The following TCERG1L variants were observed in gnomAD, a reference collection of about 807,000 sequenced individuals.
The protein encoded by TCERG1L is transcription elongation regulator 1 like.
Under a neutral mutation model 56.3 loss-of-function variants are expected in TCERG1L, and 37 were observed. The observed-to-expected ratio is 0.66, with a 90% CI of 0.51 to 0.87. TCERG1L has a LOEUF of 0.87. Among genes scored for constraint, TCERG1L ranks in the 40% least tolerant of loss-of-function variants. TCERG1L has a pLI of 0.00. For missense variants in TCERG1L, 799 were observed against 774.2 expected, an observed-to-expected ratio of 1.03 and a Z score of -0.38; for synonymous variants, 324 against 326.3, an observed-to-expected ratio of 0.99 and a Z score of 0.08.
At chr10:131,160,798 T>C (rs1845969060) in intron 6 of TCERG1L, 1 of 152,194 alleles carries the variant, frequency 6.6e-6, no homozygotes, top group South Asian at 2.1e-4. Context: ...CCGTTTTCAT[T>C]TGCTGGATCG....
intron 3 of TCERG1L, among the ~76,000 whole-genome samples, chr10:131,283,864 G>A (rs1846491071): frequency 6.6e-6 from 1 of 152,112 alleles, no homozygotes; most frequent in African/African-American, 2.4e-5. Flanking sequence ...GCTGGGCACA[G>A]TGGCTCCCAT....
intron 4 of TCERG1L, among the ~76,000 whole-genome samples, chr10:131,222,928 C>T (rs916021870): frequency 5.9e-5 from 9 of 152,102 alleles, no homozygotes; most frequent in African/African-American, 1.9e-4. Flanking sequence ...TGGCTGTGGC[C>T]GGTTTAACCC....
chr10:131,174,308 C>T (rs1431933946), intron 4 of TCERG1L, among the ~76,000 whole-genome samples: 2 of 152,252 alleles, frequency 1.3e-5, no homozygotes, highest in African/African-American at 4.8e-5. Context: ...AGCATCACGC[C>T]CGGCCGCACA....
At chr10:131,150,377 C>T (rs1430662462) in intron 6 of TCERG1L, among the ~76,000 whole-genome samples, 1 of 152,218 alleles carries the variant, frequency 6.6e-6, no homozygotes, top group Non-Finnish European at 1.5e-5. Context: ...GCTAGGTGCA[C>T]ACAGTGTCAG....
chr10:131,195,879 A>G (rs1845357120), intron 4 of TCERG1L, among the ~76,000 whole-genome samples: 1 of 152,210 alleles, frequency 6.6e-6, no homozygotes. Flanking sequence ...ACACAAGGCG[A>G]GGCAAGCACA....
intron 8 of TCERG1L, among the ~76,000 whole-genome samples, chr10:131,122,926 C>G (rs1845528067): frequency 6.6e-6 from 1 of 152,184 alleles, no homozygotes; most frequent in South Asian, 2.1e-4. Context: ...GAATTGCTGT[C>G]AGAACTTGGG....
chr10:131,295,319 T>A (rs759696655), intron 3 of TCERG1L, among the ~76,000 whole-genome samples: 4 of 151,986 alleles, frequency 2.6e-5, no homozygotes, highest in Admixed American at 6.6e-5. Context: ...TACGTAAGAG[T>A]GAGATTACTG....
chr10:131,148,427 GACAC>G (rs760908026), intron 6 of TCERG1L, among the ~76,000 whole-genome samples: 3 of 150,390 alleles, frequency 2.0e-5, no homozygotes, highest in East Asian at 2.0e-4. Context: ...TGCACACAGA[GACAC>G]ACACATGCAG....
rs1450624581 is a variant in TCERG1L, at chr10:131,098,296, C to G, written c.1604+10G>C. On this transcript the variant is annotated intron_variant, in intron 11 of 11. Transcript: ENST00000368642. ...CCCAGAAATCATCCGGTATATTTCT[C>G]TCTCCATACCTGGGAGACACTTTAG... 1 of 1,549,278 alleles carries G rather than the reference C, an allele frequency of 6.5e-7. No individual in the cohort carries two copies. The highest frequency in any genetic ancestry group is 8.7e-7 in the Non-Finnish European group (1 of 1,146,554).
intron 4 of TCERG1L, among the ~76,000 whole-genome samples, chr10:131,254,728 G>A (rs765671992): frequency 8.5e-5 from 13 of 152,102 alleles, no homozygotes; most frequent in Non-Finnish European, 1.2e-4. Context: ...AAAAGGAGGC[G>A]TCAGGACGAC....
At chr10:131,160,241 C>T (rs1845962965) in intron 6 of TCERG1L, among the ~76,000 whole-genome samples, 1 of 152,198 alleles carries the variant, frequency 6.6e-6, no homozygotes, top group South Asian at 2.1e-4. Flanking sequence ...TCATGCTTGC[C>T]AGTTAAAGAC....
chr10:131,247,741 T>G (rs1846054669), intron 4 of TCERG1L, among the ~76,000 whole-genome samples: 1 of 152,156 alleles, frequency 6.6e-6, no homozygotes, highest in Non-Finnish European at 1.5e-5. Context: ...ATTTACCCTT[T>G]TCCAAATGAT....
In TCERG1L at chr10:131,308,232, A is replaced by ACACCACC. The variant is rs749554409; in HGVS notation, c.642_648dup (p.Leu217GlyfsTer14). 6.2e-7 allele frequency: 1 copy of ACACCACC among 1,613,638 alleles called. No individual in the cohort carries two copies. The highest frequency in any genetic ancestry group is 8.5e-7 in the Non-Finnish European group (1 of 1,179,770). The stretch of plus-strand genomic sequence containing the variant: ...CAACCTGGGATGGGCTGAGGTGCTA[A>ACACCACC]CACCACCGTGGGGAGCGGCCTGGAG... On this transcript the variant is annotated frameshift_variant, in exon 3 of 12. Transcript: ENST00000368642. LOFTEE classifies it high-confidence loss of function.
chr10:131,291,396 C>CCTTTT (rs1167056441), intron 3 of TCERG1L, among the ~76,000 whole-genome samples: 2 of 67,698 alleles, frequency 3.0e-5, no homozygotes, highest in Non-Finnish European at 5.5e-5. Flanking sequence ...CCATAAACAG[C>CCTTTT]ATTTCTTTTT....
intron 3 of TCERG1L, among the ~76,000 whole-genome samples, chr10:131,294,885 C>T (rs904968511): frequency 6.6e-5 from 10 of 151,204 alleles, no homozygotes; most frequent in Non-Finnish European, 1.3e-4. Context: ...ACATTGTGTA[C>T]AGTCCTCTGC....
At chr10:131,178,311 C>G (rs1228859292) in intron 4 of TCERG1L, among the ~76,000 whole-genome samples, 1 of 152,146 alleles carries the variant, frequency 6.6e-6, no homozygotes, top group South Asian at 2.1e-4. Flanking sequence ...AGCGCGGGGC[C>G]CTGGACGTAC....
intron 4 of TCERG1L, among the ~76,000 whole-genome samples, chr10:131,169,901 CAT>C (rs1846071321): frequency 6.6e-6 from 1 of 151,860 alleles, no homozygotes; most frequent in African/African-American, 2.4e-5. Flanking sequence ...CTTGAGAAAA[CAT>C]ATTAAGATAT....
At chr10:131,280,709 A>G (rs1160432264) in intron 3 of TCERG1L, among the ~76,000 whole-genome samples, 1 of 152,006 alleles carries the variant, frequency 6.6e-6, no homozygotes, top group Non-Finnish European at 1.5e-5. Flanking sequence ...AGATGTGCAC[A>G]CACACACACA....
intron 3 of TCERG1L, among the ~76,000 whole-genome samples, chr10:131,295,700 G>A (rs925117456): frequency 2.6e-5 from 4 of 152,100 alleles, no homozygotes; most frequent in African/African-American, 7.2e-5. Context: ...CCATCATCTC[G>A]AACATTTACC....
Sources: allele counts gnomAD v4.1 joint callset (sites outside exome capture counted in the v4.1 genomes callset), GRCh38; gene constraint gnomAD v4.1.1; transcripts MANE v1.5; gene names NCBI Gene and HGNC (gene_info 2026-07-23, HGNC 2026-07-21).